ERGIC1: variants seen among roughly 807,000 people sequenced by gnomAD.
The protein encoded by ERGIC1 is endoplasmic reticulum-Golgi intermediate compartment protein 1.
In ERGIC1, 19 loss-of-function variants were observed where a neutral mutation model predicts 38.3. The ratio of observed to expected loss-of-function variants is 0.50; its 90% CI spans 0.35 to 0.73. ERGIC1 has a LOEUF of 0.73. Among genes scored for constraint, ERGIC1 ranks in the 30% least tolerant of loss-of-function variants. The pLI is 0.01. For missense variants in ERGIC1, 294 were observed against 389.2 expected (o/e 0.76, Z 2.06); for synonymous variants, 124 against 157.6 (o/e 0.79, Z 1.60).
chr5:172,866,678 C>T (rs535464302), intron 1 of ERGIC1, among the ~76,000 whole-genome samples: 4 of 152,328 alleles, frequency 2.6e-5, no homozygotes, highest in South Asian at 2.1e-4. Flanking sequence ...GTGAATTCCC[C>T]GAGGCCACAG....
chr5:172,921,657 G>A (rs1462615511), intron 5 of ERGIC1: 2 of 152,220 alleles, frequency 1.3e-5, no homozygotes, highest in Non-Finnish European at 2.9e-5. Flanking sequence ...TGTGGCATCT[G>A]GGGACCTTTG....
chr5:172,932,256 T>C lies in ERGIC1; in HGVS notation c.542-180T>C, dbSNP rs140948194. Among the ~76,000 whole-genome samples the C allele has an allele frequency of 5.9e-5, 9 of 152,306 alleles. No homozygotes were observed. In the East Asian group the frequency reaches 1.4e-3, roughly 23 times the overall value. ...GTGCAGGAGGAAAGATCCTGATGGA[T>C]AGAGTCTCCCAATTCCCGGTATCCA... On this transcript the variant is annotated intron_variant, in intron 7 of 9. Transcript: ENST00000393784.
intron 1 of ERGIC1, among the ~76,000 whole-genome samples, chr5:172,840,536 G>A (rs1184553786): frequency 6.6e-6 from 1 of 152,128 alleles, no homozygotes; most frequent in African/African-American, 2.4e-5. Context: ...CTCTGAATTG[G>A]GAGAAGCAAT....
chr5:172,839,165 C>T (rs546837497), intron 1 of ERGIC1, among the ~76,000 whole-genome samples: 2 of 149,512 alleles, frequency 1.3e-5, no homozygotes, highest in South Asian at 2.1e-4. Flanking sequence ...TGCTTGAGCC[C>T]GGGAGACGGA....
At chr5:172,880,989 C>A (rs1344434741) in intron 1 of ERGIC1, among the ~76,000 whole-genome samples, 2 of 152,202 alleles carry the variant, frequency 1.3e-5, no homozygotes, top group East Asian at 3.9e-4. Flanking sequence ...TGGCTCACGC[C>A]TGTAATCCCA....
At chr5:172,866,943 T>G in intron 1 of ERGIC1, 1 of 334,778 alleles carries the variant, frequency 3.0e-6, no homozygotes, top group African/African-American at 2.2e-5. Context: ...GCAGAACAGG[T>G]GCTGAATGAA....
intron 2 of ERGIC1, among the ~76,000 whole-genome samples, chr5:172,889,281 T>A (rs564944917): frequency 6.6e-6 from 1 of 151,894 alleles, no homozygotes; most frequent in South Asian, 2.1e-4. Context: ...CGAGACTCCA[T>A]CTAAAAAAAA....
At chr5:172,906,143 C>G (rs1355463978) in intron 3 of ERGIC1, 1 of 456,294 alleles carries the variant, frequency 2.2e-6, no homozygotes, top group Admixed American at 2.3e-5. Context: ...TTGGTGGCCT[C>G]TGATTGGGGC....
Position 172,926,637 on chromosome 5 carries a change from G to A in ERGIC1, c.541+68G>A. On this transcript the variant is annotated intron_variant, in intron 7 of 9. Transcript: ENST00000393784. This position sits in a 1 kb window ranked among gnomAD's most constrained non-coding sequence, Gnocchi z 5.2. Reference sequence around the variant, plus strand: ...CAGTACAGCAGGCAGGGAGGGGGAGGGCAGAGAGGTGGGGGTGCCTGTCCA... The same window carrying A: ...CAGTACAGCAGGCAGGGAGGGGGAGAGCAGAGAGGTGGGGGTGCCTGTCCA... 6.3e-7 allele frequency: 1 copy of A among 1,575,804 alleles called. No individual in the cohort carries two copies. Among genetic ancestry groups the A allele is most frequent in the Non-Finnish European group, 8.7e-7 (1 of 1,155,038 alleles).
At chr5:172,923,348 T>C (rs1018724443) in intron 5 of ERGIC1, among the ~76,000 whole-genome samples, 3 of 126,992 alleles carry the variant, frequency 2.4e-5, no homozygotes, top group Admixed American at 1.7e-4. Flanking sequence ...GGTTCTAGTC[T>C]AAGCATCTGG....
chr5:172,855,503 G>A lies in ERGIC1; in HGVS notation c.20+21070G>A, dbSNP rs139106845. Among the ~76,000 whole-genome samples, 509 of 152,368 alleles carry A rather than the reference G, an allele frequency of 3.3e-3. 1 individual carries two copies. The highest frequency in any genetic ancestry group is 5.2e-3 in the Non-Finnish European group (352 of 68,038). On this transcript the variant is annotated intron_variant, in intron 1 of 9. Coordinates refer to ENST00000393784, the MANE Select transcript of ERGIC1 (RefSeq NM_001031711.3). ...TGACCCCACAGACATGGTCCCCACT[G>A]TCATGGGGCTTACACTTAAACAGGG...
chr5:172,934,737 C>T (rs555855268), intron 8 of ERGIC1: 62 of 215,770 alleles, frequency 2.9e-4, no homozygotes, highest in African/African-American at 9.6e-4. Flanking sequence ...CTGCAGACTG[C>T]GACTCCCTCT....
Position 172,837,407 on chromosome 5 carries a change from A to G in ERGIC1, c.20+2974A>G, listed in dbSNP as rs1269635255. 1.3e-5 allele frequency among the ~76,000 whole-genome samples: 2 copies of G among 152,150 alleles called. No homozygotes were observed. The highest frequency in any genetic ancestry group is 6.5e-5 in the Admixed American group (1 of 15,278). On this transcript the variant is annotated intron_variant, in intron 1 of 9. Coordinates refer to ENST00000393784, the MANE Select transcript of ERGIC1 (RefSeq NM_001031711.3). The surrounding 1 kb of genome is among the most constrained non-coding windows in gnomAD (Gnocchi z 4.3). ...TTTATTTAAGCACCCATCATCTCCTAACACATTATATAATTCACTTAATTA... is the reference window on the plus strand; with the variant it reads ...TTTATTTAAGCACCCATCATCTCCTGACACATTATATAATTCACTTAATTA...
At position 172,834,582 on chromosome 5, in the gene ERGIC1, C is replaced by T; in HGVS notation, c.20+149C>T. The T allele has an allele frequency of 1.6e-6, 1 of 625,626 alleles. No homozygotes were observed. The highest frequency in any genetic ancestry group is 8.7e-5 in the Admixed American group (1 of 11,538). The allele number at this position is 625,626 out of a possible 1,614,324, so 38.8% of individuals were successfully genotyped here. A position where few individuals can be genotyped will look rare whatever the true frequency, so the allele number is the denominator to read the frequency against. On this transcript the variant is annotated intron_variant, in intron 1 of 9. Transcript: ENST00000393784. This position sits in a 1 kb window ranked among gnomAD's most constrained non-coding sequence, Gnocchi z 4.1. ...AGGCCCCTAGGGACCCCAGGCGAGC[C>T]CCCCCCCTGCCGCACACGAAGCCAG...
intron 1 of ERGIC1, among the ~76,000 whole-genome samples, chr5:172,849,745 C>T (rs1248623721): frequency 1.3e-5 from 2 of 152,226 alleles, no homozygotes; most frequent in Non-Finnish European, 2.9e-5. Context: ...GGTCTCCTCT[C>T]TGTCCTGGTG....
chr5:172,905,598 T>G (rs1762997211), intron 3 of ERGIC1: 2 of 367,684 alleles, frequency 5.4e-6, no homozygotes, highest in Non-Finnish European at 1.1e-5. Flanking sequence ...ATGGCCAGCC[T>G]CTAGTCCGAT....
At chr5:172,947,004 TA>T (rs2113494006) in intron 9 of ERGIC1, among the ~76,000 whole-genome samples, 1 of 151,770 alleles carries the variant, frequency 6.6e-6, no homozygotes, top group Non-Finnish European at 1.5e-5. Context: ...GCCAACATGG[TA>T]AAACCCAGTC....
chr5:172,917,377 T>C (rs1763393532), intron 5 of ERGIC1: 2 of 152,006 alleles, frequency 1.3e-5, no homozygotes, highest in South Asian at 4.1e-4. Context: ...CATTAGTGAA[T>C]AGATGATGTT....
rs1561713741 is a variant in ERGIC1 at position 172,877,460 on chromosome 5, T to TATA, written c.21-11239_21-11238insATA. Among the ~76,000 whole-genome samples, 173 of 74,592 alleles carry TATA rather than the reference T, an allele frequency of 2.3e-3. 1 individual carries two copies. The highest frequency in any genetic ancestry group is 7.4e-3 in the African/African-American group (149 of 20,090). The allele number at this position is 74,592 out of a possible 152,430, so 48.9% of individuals were successfully genotyped here. On this transcript the variant is annotated intron_variant, in intron 1 of 9. Transcript: ENST00000393784. ...TGTGTGTATATATATATATATATAT[T>TATA]TTTTTTTTTTTTTTTTGAGATGGAG...
Sources: gnomAD v4.1 joint callset for allele counts (sites outside exome capture counted in the v4.1 genomes callset) on GRCh38, gnomAD v4.1.1 for gene constraint, Gnocchi (gnomAD v3.1) non-coding constraint, MANE v1.5 for transcripts, NCBI Gene and HGNC (gene_info 2026-07-23, HGNC 2026-07-21) for gene names.